CDH19: variants seen among roughly 807,000 people sequenced by gnomAD.
CDH19 encodes cadherin-19.
Under a neutral mutation model 64.2 loss-of-function variants are expected in CDH19, and 67 were observed. The observed-to-expected ratio is 1.04, with a 90% CI of 0.86 to 1.28. CDH19 has a LOEUF of 1.28. Ranked by LOEUF, CDH19 falls within the 50% of genes most tolerant of loss-of-function variation. The probability of loss-of-function intolerance (pLI) is 0.00; values close to 1 mark genes in which losing one functional copy is unlikely to be tolerated. For missense variants in CDH19, 1,030 were observed against 929.0 expected (o/e 1.11, Z -1.41); for synonymous variants, 346 against 319.3 (o/e 1.08, Z -0.89).
At chr18:66,522,303 C>T (rs983132725) in intron 9 of CDH19, among the ~76,000 whole-genome samples, 2 of 151,620 alleles carry the variant, frequency 1.3e-5, no homozygotes, top group Non-Finnish European at 2.9e-5. Context: ...AGTGCAATGG[C>T]GTGATGTTGG....
At chr18:66,597,007 G>A (rs1263588245) in intron 1 of CDH19, among the ~76,000 whole-genome samples, 2 of 142,576 alleles carry the variant, frequency 1.4e-5, no homozygotes, top group African/African-American at 5.1e-5. Context: ...GCGTTAACCC[G>A]GGAGGCGGAG....
chr18:66,514,360 A>G (rs561221917), intron 9 of CDH19, among the ~76,000 whole-genome samples: 1 of 151,550 alleles, frequency 6.6e-6, no homozygotes, highest in Non-Finnish European at 1.5e-5. Context: ...AAGTAATATA[A>G]TTTTGTAGAA....
chr18:66,517,737 C>A (rs12960124), intron 9 of CDH19, among the ~76,000 whole-genome samples: 43,645 of 151,770 alleles, frequency 0.29, 7,363 homozygotes, highest in Non-Finnish European at 0.38. Flanking sequence ...AGAAAAGAAT[C>A]ATCTTCATAA....
intron 9 of CDH19, among the ~76,000 whole-genome samples, chr18:66,524,379 AGTTAATAACAATTGACTATG>A (rs1436635872): frequency 1.3e-5 from 2 of 151,888 alleles, no homozygotes; most frequent in African/African-American, 4.8e-5. Context: ...GATTGTACAT[AGTTAATAACAATTGACTATG>A]GTTAATAACA....
rs1988122439 is a variant in CDH19, at chr18:66,572,083, A to G, written c.122T>C (p.Val41Ala). 1 of 1,611,364 alleles carries G rather than the reference A, an allele frequency of 6.2e-7. No homozygotes were observed. The stretch of plus-strand genomic sequence containing the variant: ...TTGGTTCCACACCCAGCCACGCTTC[A>G]CTCTCAAATGAGATCGCACTGGCTG... ...VKQPVRSHLR[V>A]KRGWVWNQFF... Residue 41 changes from valine to alanine, a missense_variant, in exon 2 of 12, where the codon GTG becomes GCG. Val to Ala is a moderately conservative substitution (Grantham distance 64, BLOSUM62 0). Transcript: ENST00000262150.
intron 3 of CDH19, among the ~76,000 whole-genome samples, chr18:66,561,583 GA>G (rs1260294675): frequency 6.6e-6 from 1 of 152,074 alleles, no homozygotes; most frequent in African/African-American, 2.4e-5. Context: ...AACAGAGAGT[GA>G]AAAAATGCTT....
chr18:66,582,997 T>C (rs771794293), intron 1 of CDH19, among the ~76,000 whole-genome samples: 9 of 152,134 alleles, frequency 5.9e-5, no homozygotes, highest in Non-Finnish European at 7.3e-5. Flanking sequence ...GTATTTCACT[T>C]TTTATTCCCC....
At chr18:66,532,830 GCAAA>G in intron 8 of CDH19, 1 of 404,978 alleles carries the variant, frequency 2.5e-6, no homozygotes, top group Non-Finnish European at 4.9e-6. Flanking sequence ...AAACCACTTA[GCAAA>G]TACAGGCGGT....
chr18:66,518,513 C>T lies in CDH19; in HGVS notation c.1459-6828G>A, dbSNP rs142254720. On this transcript the variant is annotated intron_variant, in intron 9 of 11. Transcript: ENST00000262150. ...CCTCCCAAAGTGCTGGGATTACACA[C>T]GTGAGCCACTGTGTCCCACCTAGGT... 5.7e-3 allele frequency among the ~76,000 whole-genome samples: 874 copies of T among 152,146 alleles called. 9 individuals are homozygous for T. Among genetic ancestry groups the T allele is most frequent in the African/African-American group, 0.02 (818 of 41,518 alleles).
At chr18:66,551,764 T>C (rs111912442) in intron 4 of CDH19, among the ~76,000 whole-genome samples, 90 of 152,164 alleles carry the variant, frequency 5.9e-4, no homozygotes, top group African/African-American at 2.1e-3. Context: ...TGTATACACA[T>C]ATATAATATA....
chr18:66,548,274 T>A (rs1599004647), intron 5 of CDH19, among the ~76,000 whole-genome samples: 1 of 140,892 alleles, frequency 7.1e-6, no homozygotes. Flanking sequence ...TTTTTAAAAA[T>A]ATATAATATA....
In CDH19 at chr18:66,527,766, A is replaced by AT. The variant is rs71169152; in HGVS notation, c.1458+2078_1458+2079insA. Among the ~76,000 whole-genome samples the AT allele has an allele frequency of 3.5e-3, 537 of 151,474 alleles. 1 individual carries two copies. Among genetic ancestry groups the AT allele is most frequent in the East Asian group, 0.011 (57 of 5,134 alleles). ...CAAAGCTCCATCTATATATATATATAAAAAACAGAACTTTGTCCAATTAAC... is the reference window on the plus strand; with the variant it reads ...CAAAGCTCCATCTATATATATATATATAAAAACAGAACTTTGTCCAATTAAC... On this transcript the variant is annotated intron_variant, in intron 9 of 11. Coordinates refer to ENST00000262150, the MANE Select transcript of CDH19 (RefSeq NM_021153.4).
intron 1 of CDH19, among the ~76,000 whole-genome samples, chr18:66,585,872 C>CATGAT (rs1199237299): frequency 1.3e-5 from 2 of 151,954 alleles, no homozygotes; most frequent in Non-Finnish European, 2.9e-5. Context: ...TGAAGCAATA[C>CATGAT]ATGATATTGC....
chr18:66,551,666 A>G (rs1483800734), intron 4 of CDH19, among the ~76,000 whole-genome samples: 2 of 152,050 alleles, frequency 1.3e-5, no homozygotes, highest in African/African-American at 2.4e-5. Context: ...TATGAAATAA[A>G]TGTCATGCCC....
intron 3 of CDH19, among the ~76,000 whole-genome samples, chr18:66,564,791 A>G (rs542503897): frequency 6.6e-6 from 1 of 151,844 alleles, no homozygotes; most frequent in African/African-American, 2.4e-5. Flanking sequence ...GATTTGCAGA[A>G]GATAAGTTAC....
chr18:66,573,893 C>CCA (rs140587493), intron 1 of CDH19, among the ~76,000 whole-genome samples: 20,877 of 145,130 alleles, frequency 0.14, 1,603 homozygotes, highest in Admixed American at 0.19. Context: ...ACCACTGAAG[C>CCA]CACACACACA....
chr18:66,524,343 G>C (rs886327362), intron 9 of CDH19, among the ~76,000 whole-genome samples: 3 of 151,846 alleles, frequency 2.0e-5, no homozygotes, highest in African/African-American at 7.2e-5. Flanking sequence ...GTTTCAGTTA[G>C]ACAAGAAAAA....
At chr18:66,580,228 T>G (rs1988386021) in intron 1 of CDH19, among the ~76,000 whole-genome samples, 1 of 152,116 alleles carries the variant, frequency 6.6e-6, no homozygotes, top group East Asian at 1.9e-4. Flanking sequence ...TGGACACTAT[T>G]TTGGAGAATA....
intron 3 of CDH19, among the ~76,000 whole-genome samples, chr18:66,563,867 C>G (rs1987810719): frequency 6.6e-6 from 1 of 151,784 alleles, no homozygotes; most frequent in Non-Finnish European, 1.5e-5. Flanking sequence ...TATTTTTGTG[C>G]TGCATTTTTG....
Sources: gnomAD v4.1 joint callset for allele counts (sites outside exome capture counted in the v4.1 genomes callset) on GRCh38, gnomAD v4.1.1 for gene constraint, MANE v1.5 for transcripts, NCBI Gene and HGNC (gene_info 2026-07-23, HGNC 2026-07-21) for gene names.